The following DNAH12 variants were observed in gnomAD, a reference collection of about 807,000 sequenced individuals.
DNAH12 encodes dynein axonemal heavy chain 12.
In DNAH12, 285 loss-of-function variants were observed where a neutral mutation model predicts 371.5. The ratio of observed to expected loss-of-function variants is 0.77; its 90% CI spans 0.70 to 0.85. The LOEUF (loss-of-function observed/expected upper bound fraction) is 0.85. Among genes scored for constraint, DNAH12 ranks in the 40% least tolerant of loss-of-function variants. The pLI, the probability that DNAH12 is intolerant of heterozygous loss-of-function variation, is 0.00. For synonymous variants in DNAH12, 1,200 were observed against 1,213.0 expected (o/e 0.99, Z 0.22); for missense variants, 3,611 against 3,689.4 (o/e 0.98, Z 0.55).
At chr3:57,451,282 T>C (rs1181080207) in intron 25 of DNAH12, among the ~76,000 whole-genome samples, 5 of 152,210 alleles carry the variant, frequency 3.3e-5, no homozygotes, top group African/African-American at 1.2e-4. Flanking sequence ...TCAATTCCCG[T>C]AGGAAGGGTT....
intron 58 of DNAH12, among the ~76,000 whole-genome samples, chr3:57,360,978 G>C (rs1309509043): frequency 6.6e-6 from 1 of 152,004 alleles, no homozygotes; most frequent in African/African-American, 2.4e-5. Context: ...CAACTATGAA[G>C]TGCAAAAAAT....
At chr3:57,362,696 C>T (rs1201205355) in intron 58 of DNAH12, among the ~76,000 whole-genome samples, 1 of 152,070 alleles carries the variant, frequency 6.6e-6, no homozygotes, top group African/African-American at 2.4e-5. Flanking sequence ...TATCCTTTGC[C>T]CACTTTTTGA....
chr3:57,359,559 C>CAAAAAAAAAAAA lies in DNAH12; in HGVS notation c.9361-2223_9361-2212dup, dbSNP rs1268515074. Among the ~76,000 whole-genome samples, 12 of 72,012 alleles carry CAAAAAAAAAAAA rather than the reference C, an allele frequency of 1.7e-4. No homozygotes were observed. The East Asian group carries it at 1.9e-3, about 11-fold the overall frequency. 47.2% of individuals were successfully genotyped at this position (72,012 alleles called of 152,430 possible). ...GGGCAACAAGAGCGAAACTCCATCT[C>CAAAAAAAAAAAA]AAAAAAAAAAAAAAAAAAAAAGAAA... On this transcript the variant is annotated intron_variant, in intron 58 of 73. Coordinates refer to ENST00000495027, the MANE Select transcript of DNAH12 (RefSeq NM_001366028.2).
intron 11 of DNAH12, among the ~76,000 whole-genome samples, chr3:57,492,857 T>A (rs2067177516): frequency 6.6e-6 from 1 of 151,954 alleles, no homozygotes; most frequent in African/African-American, 2.4e-5. Context: ...ATACAAAAAT[T>A]GGCCAGGTGT....
chr3:57,381,894 G>A (rs1193426609), intron 50 of DNAH12, among the ~76,000 whole-genome samples: 1 of 149,914 alleles, frequency 6.7e-6, no homozygotes, highest in African/African-American at 2.5e-5. Context: ...TTTAGCTGAA[G>A]TCTCACTTTG....
Position 57,301,752 on chromosome 3 carries a change from G to A in DNAH12, c.11377C>T (p.Arg3793Trp), listed in dbSNP as rs1288147225. Reference protein sequence around the residue: ...LGSYITDFLARLNFLQDWYNS... With the variant: ...LGSYITDFLAWLNFLQDWYNS... ...CATTTTACCTGTAAAAAGTTCAACC[G>A]GGCTAGGAAATCTGTGATGTAACTT... is the stretch of plus-strand genomic sequence containing the variant. Residue 3793 changes from arginine to tryptophan, a missense_variant, in exon 70 of 74, where the codon CGG becomes TGG. By Grantham distance (101) the Arg-to-Trp change is moderately radical. Around this residue, in one of 3 missense-constraint regions of DNAH12, gnomAD observed 2,266 missense variants for 2,236.9 expected, o/e 1.01. Coordinates refer to ENST00000495027, the MANE Select transcript of DNAH12 (RefSeq NM_001366028.2). 5 of 1,548,776 alleles carry A rather than the reference G, an allele frequency of 3.2e-6. No homozygotes were observed. The highest frequency in any genetic ancestry group is 2.5e-5 in the East Asian group (1 of 40,680).
At chr3:57,507,530 G>A in intron 8 of DNAH12, 113 bp downstream of exon 8, 2 of 756,176 alleles carry the variant, frequency 2.6e-6, no homozygotes, top group Non-Finnish European at 1.9e-6. Context: ...AATTACAGTA[G>A]AAATATTTTA....
intron 37 of DNAH12, among the ~76,000 whole-genome samples, chr3:57,416,030 C>CTCGAGTAATCCTG (rs2064365754): frequency 6.6e-6 from 1 of 152,036 alleles, no homozygotes; most frequent in Non-Finnish European, 1.5e-5. Flanking sequence ...TCAAGTAATC[C>CTCGAGTAATCCTG]ACCTGCCTTG....
intron 38 of DNAH12, 63 bp from the exon 39 acceptor site, chr3:57,413,975 T>C (rs1262604799): frequency 2.0e-5 from 29 of 1,482,556 alleles, no homozygotes; most frequent in African/African-American, 4.3e-5. Flanking sequence ...ATCATACTTA[T>C]ATTAAATCAG....
chr3:57,535,530 ATATTT>A (rs946162046), intron 2 of DNAH12, among the ~76,000 whole-genome samples: 7 of 151,910 alleles, frequency 4.6e-5, no homozygotes, highest in East Asian at 3.9e-4. Context: ...TATTTTTTTT[ATATTT>A]TATTTTATTT....
chr3:57,356,257 C>T (rs900636103), intron 59 of DNAH12, among the ~76,000 whole-genome samples: 2 of 151,920 alleles, frequency 1.3e-5, no homozygotes, highest in East Asian at 1.9e-4. Flanking sequence ...GCCTGGGCAA[C>T]ATGGTGAAAC....
At chr3:57,543,193 T>G (rs908559151) in intron 1 of DNAH12, among the ~76,000 whole-genome samples, 1 of 152,140 alleles carries the variant, frequency 6.6e-6, no homozygotes, top group Non-Finnish European at 1.5e-5. Context: ...TCCCTACAGC[T>G]GTAGCATTCT....
chr3:57,393,749 C>A (rs1376378054), intron 44 of DNAH12, among the ~76,000 whole-genome samples: 2 of 149,628 alleles, frequency 1.3e-5, no homozygotes, highest in South Asian at 4.2e-4. Flanking sequence ...AAATCACAAA[C>A]AAGACTTTCA....
intron 59 of DNAH12, among the ~76,000 whole-genome samples, chr3:57,355,751 C>G (rs2062783178): frequency 6.6e-6 from 1 of 152,106 alleles, no homozygotes; most frequent in African/African-American, 2.4e-5. Context: ...TGTATAAATT[C>G]AAATTCCAAA....
chr3:57,301,677 TACACACACAC>T (rs57748737), intron 70 of DNAH12, 48 bp downstream of exon 70: 197,381 of 1,138,844 alleles, frequency 0.17, 13,820 homozygotes, highest in East Asian at 0.46. Flanking sequence ...ACATGTATTT[TACACACACAC>T]ACACACACAC....
chr3:57,359,629 G>A (rs2062879103), intron 58 of DNAH12, among the ~76,000 whole-genome samples: 1 of 151,118 alleles, frequency 6.6e-6, no homozygotes, highest in Non-Finnish European at 1.5e-5. Context: ...GTTAAAAGAG[G>A]GCAACTCATT....
rs1453570092 is a variant in DNAH12, at chr3:57,445,276, TGA to T, written c.4321_4322del (p.Ser1441IlefsTer29). ...MTYRLCSEQL[S>X]SQFHYDYGMR... Reference sequence around the variant, plus strand: ...TTCCATAGTCGTAATGAAATTGCGATGAGAGCTGCTCTGAGCAAAGCCTATAG... The same window carrying T: ...TTCCATAGTCGTAATGAAATTGCGATGAGCTGCTCTGAGCAAAGCCTATAG... On this transcript the variant is annotated frameshift_variant, in exon 28 of 74. Coordinates refer to ENST00000495027, the MANE Select transcript of DNAH12 (RefSeq NM_001366028.2). LOFTEE classifies it high-confidence loss of function. 6.4e-7 allele frequency: 1 copy of T among 1,551,354 alleles called. No homozygotes were observed. The highest frequency in any genetic ancestry group is 8.7e-7 in the Non-Finnish European group (1 of 1,146,852).
Position 57,391,973 on chromosome 3 carries a change from G to A in DNAH12, c.7204C>T (p.Leu2402Phe), listed in dbSNP as rs915112835. 1 of 152,312 alleles carries A rather than the reference G, an allele frequency of 6.6e-6. No individual in the cohort carries two copies. Among genetic ancestry groups the A allele is most frequent in the Non-Finnish European group, 1.5e-5 (1 of 68,058 alleles). The allele number at this position is 152,312 out of a possible 1,614,324, so 9.4% of individuals were successfully genotyped here. Residue 2402 changes from leucine (L) to phenylalanine (F), a missense_variant, in exon 45 of 74, where the codon CTT becomes TTT. Physicochemically the swap from Leu to Phe is conservative, Grantham distance 22. Around this residue, in one of 3 missense-constraint regions of DNAH12, gnomAD observed 2,266 missense variants for 2,236.9 expected, o/e 1.01. Transcript: ENST00000495027. ...GGGCTAAAGGCCACCACGACATGAA[G>A]ATTATCTTTGCAGCGATTCACAAAG... ...AFFVNRCKDN[L>F]HVVVAFSPIG...
chr3:57,480,331 T>A (rs1342313689), intron 13 of DNAH12, among the ~76,000 whole-genome samples: 1 of 152,054 alleles, frequency 6.6e-6, no homozygotes, highest in Admixed American at 6.6e-5. Context: ...AAGAAATGGA[T>A]AAATTCCTCG....
Sources: allele counts gnomAD v4.1 joint callset (sites outside exome capture counted in the v4.1 genomes callset), GRCh38; gene constraint gnomAD v4.1.1; regional missense constraint gnomAD v4.1.1; transcripts MANE v1.5; gene names NCBI Gene and HGNC (gene_info 2026-07-23, HGNC 2026-07-21).